LAMA1: variants seen among roughly 807,000 people sequenced by gnomAD.
The protein encoded by LAMA1 is laminin subunit alpha 1.
LAMA1 carries 219 observed loss-of-function variants against 348.7 expected under a neutral mutation model. The observed-to-expected ratio is 0.63, with a 90% CI of 0.56 to 0.70. The LOEUF (loss-of-function observed/expected upper bound fraction) is 0.70. Among genes scored for constraint, LAMA1 ranks in the 30% least tolerant of loss-of-function variants. The pLI, the probability that LAMA1 is intolerant of heterozygous loss-of-function variation, is 0.00. For missense variants in LAMA1, 3,744 were observed against 3,888.0 expected, an observed-to-expected ratio of 0.96 and a Z score of 0.99; for synonymous variants, 1,487 against 1,491.0, an observed-to-expected ratio of 1.00 and a Z score of 0.06.
intron 36 of LAMA1, 117 bp from the exon 37 acceptor site, chr18:6,986,464 G>T: frequency 1.2e-6 from 1 of 864,334 alleles, no homozygotes; most frequent in Non-Finnish European, 1.9e-6. Flanking sequence ...GAAATTGTAA[G>T]TGATACATCA....
intron 56 of LAMA1, chr18:6,955,784 C>T: frequency 4.7e-6 from 2 of 422,574 alleles, no homozygotes; most frequent in South Asian, 4.1e-5. Context: ...CCCCCTAGGC[C>T]CCCGCCGTGA....
intron 1 of LAMA1, among the ~76,000 whole-genome samples, chr18:7,098,881 C>T (rs1452376795): frequency 1.6e-5 from 2 of 125,742 alleles, no homozygotes; most frequent in African/African-American, 3.0e-5. Context: ...CCGCCCCGTC[C>T]GGGAGGTGAG....
At chr18:7,014,562 C>G (rs778602376) in intron 22 of LAMA1, among the ~76,000 whole-genome samples, 9 of 40,440 alleles carry the variant, frequency 2.2e-4, no homozygotes, top group Non-Finnish European at 6.6e-4. Flanking sequence ...GTCAAGGATA[C>G]AGTGAGCTTT....
chr18:7,114,818 G>A, intron 1 of LAMA1, among the ~76,000 whole-genome samples: 1 of 152,088 alleles, frequency 6.6e-6, no homozygotes, highest in Non-Finnish European at 1.5e-5. Context: ...GGCATTTCAA[G>A]GATCATTACC....
At chr18:7,028,518 A>G (rs2057954389) in intron 16 of LAMA1, among the ~76,000 whole-genome samples, 1 of 152,242 alleles carries the variant, frequency 6.6e-6, no homozygotes, top group Non-Finnish European at 1.5e-5. Flanking sequence ...TGTAAAAATC[A>G]ATTTCAAAAC....
Position 6,955,458 on chromosome 18 carries a change from C to T in LAMA1, c.8102G>A (p.Cys2701Tyr). The T allele has an allele frequency of 6.2e-7, 1 of 1,613,842 alleles. No homozygotes were observed. The highest frequency in any genetic ancestry group is 8.5e-7 in the Non-Finnish European group (1 of 1,179,750). ...GTACTCCAGAGCTGCATCCACCACA[C>T]ACTGTTCCTGTAAGAGACACACAGG... is the stretch of plus-strand genomic sequence containing the variant. The part of the protein sequence containing the change: ...LPEPRAFPEQ[C>Y]VVDAALEYVP... The change falls in exon 57 of 63, where the codon TGT becomes TAT. Residue 2701 changes from cysteine to tyrosine, a missense_variant. Cys to Tyr is a radical substitution (Grantham distance 194). This residue lies in a region of LAMA1 where 1,983 missense variants were observed against 1,934.3 expected (regional missense o/e 1.03). Transcript: ENST00000389658.
At chr18:7,002,497 T>C (rs2057812318) in intron 29 of LAMA1, 112 bp from the exon 30 acceptor site, 7 of 1,187,570 alleles carry the variant, frequency 5.9e-6, no homozygotes, top group Non-Finnish European at 8.7e-6. Context: ...CTTTTAAAAA[T>C]ATTCTTCAGG....
intron 29 of LAMA1, among the ~76,000 whole-genome samples, chr18:7,006,247 G>A (rs1332292575): frequency 1.3e-5 from 2 of 152,202 alleles, no homozygotes; most frequent in South Asian, 2.1e-4. Context: ...CCGCTTAGTC[G>A]TTTACAGTGG....
At chr18:6,982,623 G>A in intron 40 of LAMA1, 33 bp from the exon 41 acceptor site, 1 of 1,571,936 alleles carries the variant, frequency 6.4e-7, no homozygotes, top group Non-Finnish European at 8.8e-7. Flanking sequence ...CGTGGTGAGA[G>A]CAGGGCAGGG....
At chr18:7,083,514 T>C (rs1273109018) in intron 1 of LAMA1, among the ~76,000 whole-genome samples, 2 of 152,090 alleles carry the variant, frequency 1.3e-5, no homozygotes, top group Non-Finnish European at 2.9e-5. Context: ...AAAAGAAAGA[T>C]TGCTTTTTTA....
intron 29 of LAMA1, among the ~76,000 whole-genome samples, chr18:7,003,465 A>G (rs537527019): frequency 8.5e-5 from 13 of 152,220 alleles, no homozygotes; most frequent in South Asian, 4.1e-4. Flanking sequence ...TCACTGTGTT[A>G]GCCAGGATGG....
Position 7,022,000 on chromosome 18 carries a change from T to G in LAMA1, c.2701+1164A>C, listed in dbSNP as rs538374571. Among the ~76,000 whole-genome samples, 52 of 151,992 alleles carry G rather than the reference T, an allele frequency of 3.4e-4. 1 individual carries two copies. In the East Asian group the frequency reaches 8.3e-3, roughly 24 times the overall value. ...TGATATACACATATAATTATGTCTA[T>G]TTTATGAATAACAAAATAGTGGCTC... On this transcript the variant is annotated intron_variant, in intron 19 of 62. Transcript: ENST00000389658.
At position 7,041,053 on chromosome 18, in the gene LAMA1, C is replaced by T. The variant is rs941970747; in HGVS notation, c.1262-817G>A. On this transcript the variant is annotated intron_variant, in intron 9 of 62. Transcript: ENST00000389658. ...TTCTTTATGGGATGATGAAAATGTT[C>T]GACTCTTAGATTGTGGTGATGGTTG... 4.6e-5 allele frequency among the ~76,000 whole-genome samples: 7 copies of T among 151,916 alleles called. No individual in the cohort carries two copies. The South Asian group carries it at 6.2e-4, about 14-fold the overall frequency.
intron 33 of LAMA1, 45 bp from the exon 34 acceptor site, chr18:6,995,491 T>C: frequency 1.9e-6 from 2 of 1,031,072 alleles, no homozygotes; most frequent in Non-Finnish European, 1.5e-6. Context: ...CGAAGTAAAA[T>C]GTTCTGATTC....
At chr18:6,962,412 C>A (rs114744512) in intron 51 of LAMA1, among the ~76,000 whole-genome samples, 1,696 of 131,096 alleles carry the variant, frequency 0.013, 37 homozygotes, top group African/African-American at 0.045. Context: ...ATCCTGCCCC[C>A]CAAAACAAGA....
chr18:7,057,471 C>CTTTTTTTTTTTTTTTTTTTTTTTT (rs552843703), intron 3 of LAMA1, among the ~76,000 whole-genome samples: 15 of 90,808 alleles, frequency 1.7e-4, no homozygotes, highest in East Asian at 5.8e-4. Flanking sequence ...CTTTTCTTTT[C>CTTTTTTTTTTTTTTTTTTTTTTTT]TTTTTTTTTT....
chr18:6,972,979 C>T, intron 47 of LAMA1, 78 bp downstream of exon 47: 1 of 1,539,450 alleles, frequency 6.5e-7, no homozygotes, highest in Non-Finnish European at 9.0e-7. Context: ...GCGTGAGCCA[C>T]CACGCCCGGC....
At chr18:7,086,740 C>A (rs1039050241) in intron 1 of LAMA1, among the ~76,000 whole-genome samples, 1 of 152,170 alleles carries the variant, frequency 6.6e-6, no homozygotes, top group Non-Finnish European at 1.5e-5. Flanking sequence ...ACCACACAGG[C>A]GCACGGGACC....
At chr18:6,977,312 A>G (rs1373052722) in intron 44 of LAMA1, among the ~76,000 whole-genome samples, 1 of 152,226 alleles carries the variant, frequency 6.6e-6, no homozygotes, top group African/African-American at 2.4e-5. Flanking sequence ...CTACACAAAC[A>G]TTTTAAGGAA....
Sources: allele counts gnomAD v4.1 joint callset (sites outside exome capture counted in the v4.1 genomes callset), GRCh38; gene constraint gnomAD v4.1.1; regional missense constraint gnomAD v4.1.1; transcripts MANE v1.5; gene names NCBI Gene and HGNC (gene_info 2026-07-23, HGNC 2026-07-21).